The following ARAP1 variants were observed in gnomAD, a reference collection of about 807,000 sequenced individuals.
ARAP1 encodes the protein ArfGAP with RhoGAP domain, ankyrin repeat and PH domain 1.
Under a neutral mutation model 172.2 loss-of-function variants are expected in ARAP1, and 76 were observed. The ratio of observed to expected loss-of-function variants is 0.44; its 90% CI spans 0.37 to 0.53. The LOEUF is 0.53. Ranked by LOEUF, ARAP1 falls within the 20% of genes least tolerant of loss-of-function variation. The probability of loss-of-function intolerance (pLI) is 0.00; values close to 1 mark genes in which losing one functional copy is unlikely to be tolerated. For synonymous variants in ARAP1, 804 were observed against 803.3 expected (o/e 1.00, Z -0.01); for missense variants, 1,686 against 1,977.5 (o/e 0.85, Z 2.80).
At chr11:72,742,070 G>A (rs1039180349) in intron 1 of ARAP1, among the ~76,000 whole-genome samples, 5 of 152,164 alleles carry the variant, frequency 3.3e-5, no homozygotes, top group African/African-American at 1.2e-4. Context: ...CACATGGGTG[G>A]GGCCGGGACT....
intron 14 of ARAP1, 111 bp downstream of exon 14, chr11:72,704,041 C>A: frequency 2.1e-6 from 3 of 1,419,400 alleles, no homozygotes; most frequent in Admixed American, 1.9e-5. Context: ...TCCCCATATG[C>A]CAAGACATCT....
intron 1 of ARAP1, among the ~76,000 whole-genome samples, chr11:72,746,302 G>A (rs111673935): frequency 1.2e-4 from 18 of 152,292 alleles, no homozygotes; most frequent in African/African-American, 4.3e-4. Context: ...ATTTCTTGAA[G>A]GGGAGACAGC....
Position 72,726,620 on chromosome 11 carries a change from C to T in ARAP1, c.509G>A (p.Ser170Asn). ...PRTGPPRLLV[S>N]LPTKEEESLL... ...CCCACCCTGGGTGGCATCCACTCACCTCACCAGCAGGCGGGGGGGTCCGGT... is the reference window on the plus strand; with the variant it reads ...CCCACCCTGGGTGGCATCCACTCACTTCACCAGCAGGCGGGGGGGTCCGGT... Residue 170 changes from serine to asparagine, a missense_variant and splice_region_variant, in exon 3 of 35, where the codon AGC becomes AAC. Around this residue, in one of 5 missense-constraint regions of ARAP1, gnomAD observed 155 missense variants for 129.2 expected, o/e 1.20. Transcript: ENST00000393609. This position sits in a 1 kb window ranked among gnomAD's most constrained non-coding sequence, Gnocchi z 6.5. 6.6e-7 allele frequency: 1 copy of T among 1,505,560 alleles called. No individual in the cohort carries two copies. Among genetic ancestry groups the T allele is most frequent in the Non-Finnish European group, 8.9e-7 (1 of 1,125,814 alleles). The allele number at this position is 1,505,560 out of a possible 1,614,324, so 93.3% of individuals were successfully genotyped here.
intron 3 of ARAP1, among the ~76,000 whole-genome samples, chr11:72,724,566 C>T (rs1857631618): frequency 6.6e-6 from 1 of 152,098 alleles, no homozygotes; most frequent in Admixed American, 6.5e-5. Flanking sequence ...CTGATCACTA[C>T]AGCACTCAGT....
In ARAP1 at chr11:72,693,677, G is replaced by T; in HGVS notation, c.3808+15C>A. ...GGACCACCCGGAGCCTGGCCACCCT[G>T]CAGGCACCACCTACCCAGGTACAGC... is the stretch of plus-strand genomic sequence containing the variant. On this transcript the variant is annotated intron_variant, in intron 28 of 34. Transcript: ENST00000393609. This position sits in a 1 kb window ranked among gnomAD's most constrained non-coding sequence, Gnocchi z 4.6. 6.3e-7 allele frequency: 1 copy of T among 1,590,698 alleles called. No homozygotes were observed. The highest frequency in any genetic ancestry group is 1.1e-5 in the South Asian group (1 of 88,058).
intron 23 of ARAP1, among the ~76,000 whole-genome samples, chr11:72,696,173 G>A (rs187211651): frequency 6.6e-6 from 1 of 151,916 alleles, no homozygotes; most frequent in East Asian, 1.9e-4. Flanking sequence ...GGGGGCAGGG[G>A]ATGGTTTCAG....
intron 30 of ARAP1, among the ~76,000 whole-genome samples, chr11:72,690,927 C>G (rs1039463613): frequency 6.6e-6 from 1 of 152,184 alleles, no homozygotes; most frequent in Non-Finnish European, 1.5e-5. Context: ...GTCCTACTGC[C>G]GCATAAACCA....
At chr11:72,709,045 CAAAA>C (rs34249967) in intron 11 of ARAP1, among the ~76,000 whole-genome samples, 3 of 50,294 alleles carry the variant, frequency 6.0e-5, no homozygotes, top group Admixed American at 4.2e-4. Flanking sequence ...TCTCAAAAAG[CAAAA>C]AAAAAAAAAA....
At chr11:72,745,633 G>A (rs1858343531) in intron 1 of ARAP1, among the ~76,000 whole-genome samples, 2 of 151,966 alleles carry the variant, frequency 1.3e-5, no homozygotes, top group African/African-American at 4.8e-5. Context: ...ACCCACTGGA[G>A]GGATGTGCTG....
At chr11:72,715,739 T>C (rs1857244168) in intron 3 of ARAP1, among the ~76,000 whole-genome samples, 1 of 151,954 alleles carries the variant, frequency 6.6e-6, no homozygotes, top group Non-Finnish European at 1.5e-5. Context: ...CTTGTTATGT[T>C]GCCCAGGCTG....
Position 72,692,648 on chromosome 11 carries a change from G to A in ARAP1, c.3987+105C>T, listed in dbSNP as rs907155456. On this transcript the variant is annotated intron_variant, in intron 30 of 34. Coordinates refer to ENST00000393609, the MANE Select transcript of ARAP1 (RefSeq NM_001040118.3). Reference sequence around the variant, plus strand: ...AACGGGCAAGGGGGCAGGGATCCATGCCTGGAGATGGCCAGGAGCCCTGGC... The same window carrying A: ...AACGGGCAAGGGGGCAGGGATCCATACCTGGAGATGGCCAGGAGCCCTGGC... The A allele has an allele frequency of 8.2e-6, 12 of 1,460,376 alleles. No homozygotes were observed. The African/African-American group carries it at 9.8e-5, about 12-fold the overall frequency. 90.5% of individuals were successfully genotyped at this position (1,460,376 alleles called of 1,614,324 possible). A position where few individuals can be genotyped will look rare whatever the true frequency, so the allele number is the denominator to read the frequency against.
Position 72,688,492 on chromosome 11 carries a change from A to G in ARAP1, c.4033T>C (p.Tyr1345His), listed in dbSNP as rs199889457. 44 of 1,612,728 alleles carry G rather than the reference A, an allele frequency of 2.7e-5. No homozygotes were observed. The highest frequency in any genetic ancestry group is 3.6e-5 in the Non-Finnish European group (42 of 1,179,486). ...KEWPIKSLKV[Y>H]LGVKKKLRPP... ...CTGAGTTTCTTCTTCACTCCCAGGTAGACTTTGAGACTCTTAATAGGCCAC... is the reference window on the plus strand; with the variant it reads ...CTGAGTTTCTTCTTCACTCCCAGGTGGACTTTGAGACTCTTAATAGGCCAC... The change falls in exon 31 of 35, where the codon TAC (tyrosine) becomes CAC (histidine). Residue 1345 changes from tyrosine (Y) to histidine (H), a missense_variant. Physicochemically the swap from Tyr to His is moderately conservative, Grantham distance 83. Around this residue, in one of 5 missense-constraint regions of ARAP1, gnomAD observed 379 missense variants for 500.1 expected, o/e 0.76. Transcript: ENST00000393609.
At chr11:72,719,595 G>C (rs1367193540) in intron 3 of ARAP1, among the ~76,000 whole-genome samples, 1 of 152,218 alleles carries the variant, frequency 6.6e-6, no homozygotes, top group Non-Finnish European at 1.5e-5. Context: ...CCTACAGGCT[G>C]AGCCAGGAAC....
In ARAP1 at chr11:72,697,087, T is replaced by G. The variant is rs755557577; in HGVS notation, c.3062A>C (p.Glu1021Ala). ...CGAGGAAACATCATCCACGTGCTGC[T>G]CGCCCTCCTTGAGGTGCACAGAGCG... ...DARSVHLKEGEQHVDDVSSAL... is the reference protein window; with the variant it reads ...DARSVHLKEGAQHVDDVSSAL... Residue 1021 changes from glutamate to alanine, a missense_variant, in exon 22 of 35, where the codon GAG becomes GCG. By Grantham distance (107) the Glu-to-Ala change is moderately radical. Transcript: ENST00000393609. 3 of 1,609,452 alleles carry G rather than the reference T, an allele frequency of 1.9e-6. No individual in the cohort carries two copies. The highest frequency in any genetic ancestry group is 4.5e-5 in the East Asian group (2 of 44,882).
intron 1 of ARAP1, among the ~76,000 whole-genome samples, chr11:72,744,365 G>C (rs371754982): frequency 9.2e-5 from 14 of 152,306 alleles, no homozygotes; most frequent in African/African-American, 3.1e-4. Flanking sequence ...AGTGGCCAAA[G>C]TGTGGCCAGA....
chr11:72,748,254 G>A (rs923525625), intron 1 of ARAP1, among the ~76,000 whole-genome samples: 1 of 152,176 alleles, frequency 6.6e-6, no homozygotes. Context: ...GGGCCCAGTG[G>A]CTCACACCTG....
At chr11:72,698,137 C>G in intron 18 of ARAP1, 31 bp from the exon 19 acceptor site, 1 of 1,548,422 alleles carries the variant, frequency 6.5e-7, no homozygotes, top group Non-Finnish European at 8.7e-7. Flanking sequence ...GAGACAGCAT[C>G]AGCCAACGGC....
chr11:72,745,987 C>T (rs967110032), intron 1 of ARAP1, among the ~76,000 whole-genome samples: 1 of 152,178 alleles, frequency 6.6e-6, no homozygotes, highest in African/African-American at 2.4e-5. Flanking sequence ...CAGAGCAATA[C>T]GTCCCCTCAG....
At chr11:72,688,656 G>A (rs1056461024) in intron 30 of ARAP1, 119 bp from the exon 31 acceptor site, 26 of 820,574 alleles carry the variant, frequency 3.2e-5, no homozygotes, top group Middle Eastern at 3.5e-4. Flanking sequence ...CCAGCACAGG[G>A]CGCCTCCTCC....
Sources: gnomAD v4.1 joint callset for allele counts (sites outside exome capture counted in the v4.1 genomes callset) on GRCh38, gnomAD v4.1.1 for gene constraint, gnomAD v4.1.1 regional missense constraint, Gnocchi (gnomAD v3.1) non-coding constraint, MANE v1.5 for transcripts, NCBI Gene and HGNC (gene_info 2026-07-23, HGNC 2026-07-21) for gene names.